CPNE8: variants seen among roughly 807,000 people sequenced by gnomAD.
The protein encoded by CPNE8 is copine-8.
CPNE8 carries 45 observed loss-of-function variants against 81.5 expected under a neutral mutation model. The ratio of observed to expected loss-of-function variants is 0.55; its 90% CI spans 0.44 to 0.71. The LOEUF (loss-of-function observed/expected upper bound fraction) is 0.71. Ranked by LOEUF, CPNE8 falls within the 30% of genes least tolerant of loss-of-function variation. The pLI, the probability that CPNE8 is intolerant of heterozygous loss-of-function variation, is 0.00. For missense variants in CPNE8, 594 were observed against 672.1 expected, an observed-to-expected ratio of 0.88 and a Z score of 1.28; for synonymous variants, 252 against 226.3, an observed-to-expected ratio of 1.11 and a Z score of -1.02.
At chr12:38,757,515 T>C (rs960649641) in intron 10 of CPNE8, among the ~76,000 whole-genome samples, 1 of 152,008 alleles carries the variant, frequency 6.6e-6, no homozygotes, top group African/African-American at 2.4e-5. Context: ...TTATATTTTA[T>C]TGGAGACTAA....
chr12:38,864,777 T>C (rs2137088258), intron 3 of CPNE8, among the ~76,000 whole-genome samples: 1 of 152,248 alleles, frequency 6.6e-6, no homozygotes, highest in East Asian at 1.9e-4. Flanking sequence ...CATCATGGCC[T>C]TCAGAGAAGA....
At chr12:38,798,618 G>T (rs567203135) in intron 6 of CPNE8, among the ~76,000 whole-genome samples, 3 of 152,014 alleles carry the variant, frequency 2.0e-5, no homozygotes, top group South Asian at 2.1e-4. Flanking sequence ...AGACCATCGA[G>T]ACTAGGAAGA....
chr12:38,873,991 G>T (rs760810842), intron 2 of CPNE8, among the ~76,000 whole-genome samples: 3 of 149,650 alleles, frequency 2.0e-5, no homozygotes, highest in Non-Finnish European at 4.4e-5. Flanking sequence ...GGGTTGGGTG[G>T]GTCTCACTAT....
At chr12:38,781,279 T>C (rs551602863) in intron 6 of CPNE8, among the ~76,000 whole-genome samples, 1 of 152,008 alleles carries the variant, frequency 6.6e-6, no homozygotes, top group African/African-American at 2.4e-5. Flanking sequence ...AAGTAGGTAG[T>C]AGAAATAAAC....
chr12:38,694,462 C>A (rs1333197698), intron 14 of CPNE8, among the ~76,000 whole-genome samples: 1 of 152,150 alleles, frequency 6.6e-6, no homozygotes, highest in Admixed American at 6.5e-5. Context: ...TAAATCCTAC[C>A]ACTGTGTTTA....
intron 6 of CPNE8, among the ~76,000 whole-genome samples, chr12:38,818,006 G>GT (rs1943055454): frequency 6.6e-6 from 1 of 152,156 alleles, no homozygotes; most frequent in African/African-American, 2.4e-5. Flanking sequence ...TTTGAACTTA[G>GT]TTTTTTCAGA....
chr12:38,707,595 A>C (rs1162469003), intron 13 of CPNE8, among the ~76,000 whole-genome samples: 1 of 152,158 alleles, frequency 6.6e-6, no homozygotes, highest in Non-Finnish European at 1.5e-5. Flanking sequence ...GATAAATAAG[A>C]CCATTTGGTA....
intron 15 of CPNE8, among the ~76,000 whole-genome samples, chr12:38,690,483 C>A (rs181355484): frequency 2.0e-4 from 31 of 152,268 alleles, no homozygotes; most frequent in African/African-American, 6.5e-4. Context: ...TTGTTGTTTT[C>A]ATCGTCAATT....
chr12:38,729,316 A>G (rs969626100), intron 11 of CPNE8, among the ~76,000 whole-genome samples: 4 of 152,026 alleles, frequency 2.6e-5, no homozygotes, highest in Non-Finnish European at 4.4e-5. Context: ...TCTCTTTCTG[A>G]CTGAGAAATT....
At chr12:38,664,849 A>G (rs1212626205) in intron 19 of CPNE8, among the ~76,000 whole-genome samples, 1 of 152,140 alleles carries the variant, frequency 6.6e-6, no homozygotes, top group East Asian at 1.9e-4. Flanking sequence ...CTGATATTCC[A>G]TTTGGACATT....
intron 3 of CPNE8, 33 bp from the exon 4 acceptor site, chr12:38,848,695 C>G: frequency 6.4e-7 from 1 of 1,555,534 alleles, no homozygotes; most frequent in Non-Finnish European, 8.6e-7. Flanking sequence ...TAAAATTAAA[C>G]CTTGTACGGC....
At chr12:38,868,829 A>AT (rs1943951682) in intron 3 of CPNE8, among the ~76,000 whole-genome samples, 1 of 152,084 alleles carries the variant, frequency 6.6e-6, no homozygotes, top group Non-Finnish European at 1.5e-5. Flanking sequence ...CAGTCTTTGC[A>AT]TTTTTTCAGA....
chr12:38,786,738 G>A (rs1429774824), intron 6 of CPNE8, among the ~76,000 whole-genome samples: 2 of 152,046 alleles, frequency 1.3e-5, no homozygotes, highest in African/African-American at 4.8e-5. Flanking sequence ...TATCAAAAGA[G>A]ACAAAGAAGG....
At chr12:38,700,723 T>G (rs1248700904) in intron 14 of CPNE8, among the ~76,000 whole-genome samples, 12 of 152,172 alleles carry the variant, frequency 7.9e-5, no homozygotes, top group Admixed American at 7.9e-4. Context: ...AATTCCCATG[T>G]GCCATGGGAG....
chr12:38,680,183 A>C (rs560325237), intron 16 of CPNE8, among the ~76,000 whole-genome samples: 38 of 152,110 alleles, frequency 2.5e-4, no homozygotes, highest in Middle Eastern at 3.4e-3. Context: ...GATTATTTCT[A>C]TAAAAGTTCA....
chr12:38,814,357 C>T (rs913269400), intron 6 of CPNE8, among the ~76,000 whole-genome samples: 6 of 129,502 alleles, frequency 4.6e-5, no homozygotes, highest in Non-Finnish European at 3.1e-5. Flanking sequence ...CACTCTGCTG[C>T]CCAGGCTGGA....
intron 10 of CPNE8, among the ~76,000 whole-genome samples, chr12:38,746,911 G>A (rs1042727167): frequency 6.6e-6 from 1 of 152,166 alleles, no homozygotes; most frequent in Admixed American, 6.5e-5. Flanking sequence ...GAAATGTAAT[G>A]TATCTTAATT....
chr12:38,866,101 T>C (rs1163470489), intron 3 of CPNE8, among the ~76,000 whole-genome samples: 1 of 152,222 alleles, frequency 6.6e-6, no homozygotes, highest in Non-Finnish European at 1.5e-5. Flanking sequence ...CTGAGTAACA[T>C]ACAACATACT....
intron 3 of CPNE8, among the ~76,000 whole-genome samples, chr12:38,852,659 G>A (rs764846066): frequency 5.9e-5 from 9 of 152,088 alleles, no homozygotes; most frequent in Admixed American, 2.6e-4. Flanking sequence ...AGTAAGCTTC[G>A]TGAAGGAACA....
Sources: gnomAD v4.1 joint callset for allele counts (sites outside exome capture counted in the v4.1 genomes callset) on GRCh38, gnomAD v4.1.1 for gene constraint, MANE v1.5 for transcripts, NCBI Gene and HGNC (gene_info 2026-07-23, HGNC 2026-07-21) for gene names.